Variants in ABCA13 observed in about 807,000 individuals in gnomAD.
ABCA13 encodes the protein ATP binding cassette subfamily A member 13, also known as ATP-binding cassette sub-family A member 13.
Under a neutral mutation model 478.7 loss-of-function variants are expected in ABCA13, and 476 were observed. The ratio of observed to expected loss-of-function variants is 0.99; its 90% CI spans 0.92 to 1.07. The LOEUF (loss-of-function observed/expected upper bound fraction) is 1.07, where lower values mean the gene tolerates loss of function less well. Ranked by LOEUF, ABCA13 falls within the 50% of genes least tolerant of loss-of-function variation. ABCA13 has a pLI of 0.00. For synonymous variants in ABCA13, 2,252 were observed against 2,158.9 expected (o/e 1.04, Z -1.20); for missense variants, 6,060 against 5,910.6 (o/e 1.03, Z -0.83).
intron 35 of ABCA13, among the ~76,000 whole-genome samples, chr7:48,378,259 T>C (rs1880739): frequency 0.24 from 37,157 of 151,994 alleles, 5,107 homozygotes; most frequent in African/African-American, 0.37. Flanking sequence ...GAGAATGTCC[T>C]CACCAGTGGG....
rs112227929 is a variant in ABCA13 at position 48,380,829 on chromosome 7, C to T, written c.11335+4257C>T. 1.4e-3 allele frequency among the ~76,000 whole-genome samples: 208 copies of T among 152,240 alleles called. 4 individuals are homozygous for T. Among genetic ancestry groups the T allele is most frequent in the African/African-American group, 4.8e-3 (198 of 41,530 alleles). ...AGTAAAGGACTCACCTGTGGATGTG[C>T]CTTTCACAAGCAAAAAACCAATCCA... On this transcript the variant is annotated intron_variant, in intron 35 of 61. Coordinates refer to ENST00000435803, the MANE Select transcript of ABCA13 (RefSeq NM_152701.5).
intron 27 of ABCA13, among the ~76,000 whole-genome samples, chr7:48,330,261 T>C (rs1236631684): frequency 3.3e-5 from 5 of 149,596 alleles, no homozygotes; most frequent in East Asian, 2.0e-4. Context: ...ATGTATTCAT[T>C]CATCCATCCA....
intron 7 of ABCA13, among the ~76,000 whole-genome samples, chr7:48,231,656 C>CTATTATTATTAT (rs151023674): frequency 1.9e-4 from 29 of 150,772 alleles, no homozygotes; most frequent in Middle Eastern, 3.5e-3. Flanking sequence ...GTCTCCTGAA[C>CTATTATTATTAT]TATTATTATT....
intron 59 of ABCA13, chr7:48,626,946 TA>T: frequency 1.0e-6 from 1 of 985,412 alleles, no homozygotes; most frequent in Non-Finnish European, 1.2e-6. Context: ...TGGGGGTGAT[TA>T]TTGCGTATGG....
chr7:48,458,885 A>G (rs955392296), intron 43 of ABCA13, among the ~76,000 whole-genome samples: 1 of 152,140 alleles, frequency 6.6e-6, no homozygotes, highest in Non-Finnish European at 1.5e-5. Context: ...GGCTGTAAAG[A>G]TGCTTGTTTT....
intron 41 of ABCA13, 27 bp from the exon 42 acceptor site, chr7:48,427,739 T>C: frequency 1.4e-6 from 2 of 1,471,708 alleles, no homozygotes; most frequent in Non-Finnish European, 1.9e-6. Context: ...CATAAAATAA[T>C]ACATGGCGTT....
chr7:48,567,198 G>A (rs1439019413), intron 55 of ABCA13, among the ~76,000 whole-genome samples: 1 of 152,100 alleles, frequency 6.6e-6, no homozygotes, highest in Non-Finnish European at 1.5e-5. Context: ...CATTGAACTG[G>A]ATGACGGGTT....
At chr7:48,449,188 G>C (rs1419862761) in intron 42 of ABCA13, among the ~76,000 whole-genome samples, 1 of 152,002 alleles carries the variant, frequency 6.6e-6, no homozygotes, top group Non-Finnish European at 1.5e-5. Flanking sequence ...TGTTTTTCAG[G>C]TTTTATGTTT....
At chr7:48,525,479 T>G (rs1832825286) in intron 54 of ABCA13, among the ~76,000 whole-genome samples, 1 of 152,086 alleles carries the variant, frequency 6.6e-6, no homozygotes, top group Non-Finnish European at 1.5e-5. Context: ...TTTATTTGAT[T>G]ATAGTTTTAC....
At chr7:48,206,900 C>G (rs78026135) in intron 3 of ABCA13, among the ~76,000 whole-genome samples, 151,544 of 152,266 alleles carry the variant, frequency 1, 75,417 homozygotes, top group Middle Eastern at 1. Flanking sequence ...CTCAACATTA[C>G]ATCCAACTCC....
intron 29 of ABCA13, among the ~76,000 whole-genome samples, chr7:48,341,881 TATATATATATATATCTTTCTG>T (rs1563084697): frequency 1.5e-3 from 42 of 27,668 alleles, no homozygotes; most frequent in Non-Finnish European, 3.4e-3. Flanking sequence ...ATCTTTCTGA[TATATATATATATATCTTTCTG>T]ATATATATAT....
intron 8 of ABCA13, among the ~76,000 whole-genome samples, chr7:48,236,793 G>T (rs933144442): frequency 2.6e-5 from 4 of 152,116 alleles, no homozygotes; most frequent in African/African-American, 9.7e-5. Flanking sequence ...ATGGGCTCTT[G>T]GGATTGGGAC....
chr7:48,202,399 A>C (rs1182777040), intron 3 of ABCA13, among the ~76,000 whole-genome samples: 1 of 152,210 alleles, frequency 6.6e-6, no homozygotes, highest in Non-Finnish European at 1.5e-5. Flanking sequence ...AGCTAGATAC[A>C]GAAGTGTCAA....
intron 32 of ABCA13, among the ~76,000 whole-genome samples, chr7:48,368,695 A>G (rs1300432584): frequency 3.0e-5 from 4 of 134,138 alleles, no homozygotes; most frequent in South Asian, 2.4e-4. Flanking sequence ...GTGTATATAT[A>G]TATATATATA....
At chr7:48,223,173 G>A (rs1327330340) in intron 5 of ABCA13, among the ~76,000 whole-genome samples, 6 of 152,124 alleles carry the variant, frequency 3.9e-5, no homozygotes, top group Non-Finnish European at 8.8e-5. Context: ...ACTGAAACAG[G>A]TTTTTCTGAG....
chr7:48,532,760 A>C (rs1441861512), intron 55 of ABCA13, among the ~76,000 whole-genome samples: 1 of 151,996 alleles, frequency 6.6e-6, no homozygotes, highest in Non-Finnish European at 1.5e-5. Context: ...GAATTTATTC[A>C]TCTCCTTCAG....
rs1169666475 is a variant in ABCA13, at chr7:48,614,649, T to C, written c.14745-636T>C. Among the ~76,000 whole-genome samples, 5 of 150,542 alleles carry C rather than the reference T, an allele frequency of 3.3e-5. No individual in the cohort carries two copies. The East Asian group carries it at 9.7e-4, about 29-fold the overall frequency. On this transcript the variant is annotated intron_variant, in intron 58 of 61. Transcript: ENST00000435803. The stretch of plus-strand genomic sequence containing the variant: ...TGGAACCAACCCAAATGTCCAACAA[T>C]GATAGACTGGATTAAGAAAATGTGG...
chr7:48,450,696 C>T (rs897960389), intron 42 of ABCA13, among the ~76,000 whole-genome samples: 3 of 152,092 alleles, frequency 2.0e-5, no homozygotes, highest in Non-Finnish European at 2.9e-5. Context: ...AACCCTCCCT[C>T]ATTTTTTGGT....
At chr7:48,414,836 T>C (rs1345754913) in intron 41 of ABCA13, among the ~76,000 whole-genome samples, 1 of 152,134 alleles carries the variant, frequency 6.6e-6, no homozygotes, top group Admixed American at 6.5e-5. Flanking sequence ...GTAACAATCA[T>C]GATTAAATGC....
Sources: allele counts gnomAD v4.1 joint callset (sites outside exome capture counted in the v4.1 genomes callset), GRCh38; gene constraint gnomAD v4.1.1; transcripts MANE v1.5; gene names NCBI Gene and HGNC (gene_info 2026-07-23, HGNC 2026-07-21).